The following TOX2 variants were observed in gnomAD, a reference collection of about 807,000 sequenced individuals.
The protein encoded by TOX2 is TOX high mobility group box family member 2.
A neutral mutation model predicts 47.4 loss-of-function variants in TOX2; 15 were observed. That is an observed-to-expected ratio of 0.32 (90% CI 0.21 to 0.49). The LOEUF (loss-of-function observed/expected upper bound fraction) is 0.49. Ranked by LOEUF, TOX2 falls within the 20% of genes least tolerant of loss-of-function variation. The pLI, the probability that TOX2 is intolerant of heterozygous loss-of-function variation, is 0.99. For missense variants in TOX2, 622 were observed against 673.1 expected (o/e 0.92, Z 0.84); for synonymous variants, 290 against 296.6 (o/e 0.98, Z 0.23).
At chr20:44,068,437 G>A (rs767750922) in intron 8 of TOX2, among the ~76,000 whole-genome samples, 2 of 151,880 alleles carry the variant, frequency 1.3e-5, no homozygotes, top group Admixed American at 6.5e-5. Context: ...GCTGAGGACC[G>A]GGTGGTCCCC....
chr20:43,955,377 G>C (rs2069650158), intron 1 of TOX2: 10 of 909,202 alleles, frequency 1.1e-5, no homozygotes, highest in African/African-American at 1.8e-5. Context: ...GCTGGCTTCT[G>C]GTTTCTTGGC....
chr20:43,981,985 G>C lies in TOX2; in HGVS notation c.165+8553G>C, dbSNP rs548582892. Reference sequence around the variant, plus strand: ...GTCTTTAGAATATTTAGTCATCAATGGAAAGTGTCAGGAGAGAGGGTGAAG... The same window carrying C: ...GTCTTTAGAATATTTAGTCATCAATCGAAAGTGTCAGGAGAGAGGGTGAAG... On this transcript the variant is annotated intron_variant, in intron 2 of 8. Transcript: ENST00000341197. Among the ~76,000 whole-genome samples, 4 of 151,312 alleles carry C rather than the reference G, an allele frequency of 2.6e-5. No homozygotes were observed. In the East Asian group the frequency reaches 7.8e-4, roughly 29 times the overall value.
intron 5 of TOX2, among the ~76,000 whole-genome samples, chr20:44,063,152 TA>T (rs2071750176): frequency 6.6e-6 from 1 of 152,074 alleles, no homozygotes; most frequent in Non-Finnish European, 1.5e-5. Context: ...GGGACTTAAT[TA>T]AACTAAAAAG....
At chr20:43,955,879 C>G (rs1383502335) in intron 1 of TOX2, among the ~76,000 whole-genome samples, 5 of 152,224 alleles carry the variant, frequency 3.3e-5, no homozygotes, top group African/African-American at 1.2e-4. Context: ...CCATTCTCCA[C>G]CCAGAAGCCA....
chr20:43,951,710 T>TTTTTTTTTTTTTTTTTTTTTTG lies in TOX2; in HGVS notation c.100-21639_100-21638insTTTGTTTTTTTTTTTTTTTTTT, dbSNP rs2069574325. ...CCATTACTATTAAACTTATTATGTT[T>TTTTTTTTTTTTTTTTTTTTTTG]TTTTTTTTTTTTTTTTTTAGAGAAA... On this transcript the variant is annotated intron_variant, in intron 1 of 8. Transcript: ENST00000341197. 1.8e-5 allele frequency among the ~76,000 whole-genome samples: 2 copies of TTTTTTTTTTTTTTTTTTTTTTG among 113,282 alleles called. 1 individual carries two copies. The highest frequency in any genetic ancestry group is 6.6e-5 in the African/African-American group (2 of 30,078). The allele number at this position is 113,282 out of a possible 152,430, so 74.3% of individuals were successfully genotyped here.
intron 1 of TOX2, among the ~76,000 whole-genome samples, chr20:43,965,592 A>G (rs935169808): frequency 6.6e-6 from 1 of 152,124 alleles, no homozygotes; most frequent in African/African-American, 2.4e-5. Context: ...ATTTGCATAG[A>G]TTTCCCAAGG....
chr20:43,965,509 C>T (rs758551534), intron 1 of TOX2, among the ~76,000 whole-genome samples: 3 of 152,212 alleles, frequency 2.0e-5, no homozygotes, highest in African/African-American at 7.2e-5. Context: ...CACAAGAGAT[C>T]GTTCAATGAA....
chr20:44,017,809 C>T (rs1008259268), intron 3 of TOX2, among the ~76,000 whole-genome samples: 1 of 152,152 alleles, frequency 6.6e-6, no homozygotes, highest in African/African-American at 2.4e-5. Flanking sequence ...GACTTGGCTA[C>T]ACAGTTATCA....
At chr20:44,053,133 G>T (rs1259153520) in intron 4 of TOX2, among the ~76,000 whole-genome samples, 1 of 152,110 alleles carries the variant, frequency 6.6e-6, no homozygotes, top group Non-Finnish European at 1.5e-5. Context: ...GTTCCTACAT[G>T]GCTTGAGTGA....
intron 1 of TOX2, among the ~76,000 whole-genome samples, chr20:43,951,707 G>GGTTTTTTTTT (rs745489872): frequency 7.8e-4 from 43 of 55,096 alleles, no homozygotes; most frequent in African/African-American, 2.3e-3. Context: ...AACTTATTAT[G>GGTTTTTTTTT]TTTTTTTTTT....
At chr20:43,961,160 A>G (rs2069751937) in intron 1 of TOX2, among the ~76,000 whole-genome samples, 1 of 152,266 alleles carries the variant, frequency 6.6e-6, no homozygotes. Flanking sequence ...AAGAGTGGCT[A>G]TCAGCAATGG....
chr20:43,945,798 C>T lies in TOX2; in HGVS notation c.100-27569C>T, dbSNP rs904252670. ...ACAGGTTTTTCCATTTCACCTTATA[C>T]GAATGGGATGGGGGGTGGGGGTGCT... On this transcript the variant is annotated intron_variant, in intron 1 of 8. Transcript: ENST00000341197. 436 of 1,439,274 alleles carry T rather than the reference C, an allele frequency of 3.0e-4. 1 individual carries two copies. Among genetic ancestry groups the T allele is most frequent in the Admixed American group, 6.1e-4 (33 of 53,890 alleles). 89.2% of individuals were successfully genotyped at this position (1,439,274 alleles called of 1,614,324 possible).
chr20:43,982,126 T>C (rs983058567), intron 2 of TOX2, among the ~76,000 whole-genome samples: 1 of 152,036 alleles, frequency 6.6e-6, no homozygotes, highest in Non-Finnish European at 1.5e-5. Context: ...GTGCTGGGTG[T>C]GGAGGACAGC....
intron 3 of TOX2, among the ~76,000 whole-genome samples, chr20:44,016,505 T>G (rs2145635155): frequency 6.6e-6 from 1 of 152,240 alleles, no homozygotes; most frequent in African/African-American, 2.4e-5. Flanking sequence ...ACTGACATTT[T>G]GGGTGGGATG....
Position 43,935,828 on chromosome 20 carries a change from G to A in TOX2, c.99+20838G>A, listed in dbSNP as rs144915643. ...TGTAATCCTAGCTACTCAGGAGGCTGAGGCAGGAGAATCGCTTGAACCCAG... is the reference window on the plus strand; with the variant it reads ...TGTAATCCTAGCTACTCAGGAGGCTAAGGCAGGAGAATCGCTTGAACCCAG... On this transcript the variant is annotated intron_variant, in intron 1 of 8. Transcript: ENST00000341197. Among the ~76,000 whole-genome samples the A allele has an allele frequency of 1.9e-3, 283 of 150,932 alleles. 2 individuals are homozygous for A. The East Asian group carries it at 0.02, about 11-fold the overall frequency.
chr20:44,047,390 A>G (rs6073299), intron 3 of TOX2, among the ~76,000 whole-genome samples: 107,492 of 152,132 alleles, frequency 0.71, 38,261 homozygotes, highest in East Asian at 0.79. Context: ...TTAATTTGAA[A>G]ACCTATGTAA....
At chr20:43,974,826 C>T (rs2070046812) in intron 2 of TOX2, among the ~76,000 whole-genome samples, 1 of 152,222 alleles carries the variant, frequency 6.6e-6, no homozygotes, top group Non-Finnish European at 1.5e-5. Flanking sequence ...GCTGCGCCCC[C>T]TCCCCTGCCG....
intron 1 of TOX2, among the ~76,000 whole-genome samples, chr20:43,962,210 A>G (rs773187345): frequency 5.3e-5 from 8 of 152,208 alleles, no homozygotes; most frequent in Non-Finnish European, 1.0e-4. Context: ...AGGAAGAAAT[A>G]CAGGCCTGCC....
chr20:43,965,821 G>A (rs1378291888), intron 1 of TOX2, among the ~76,000 whole-genome samples: 1 of 152,178 alleles, frequency 6.6e-6, no homozygotes, highest in African/African-American at 2.4e-5. Context: ...CCTTGAACAG[G>A]AGAGAGATAC....
Sources: allele counts gnomAD v4.1 joint callset (sites outside exome capture counted in the v4.1 genomes callset), GRCh38; gene constraint gnomAD v4.1.1; transcripts MANE v1.5; gene names NCBI Gene and HGNC (gene_info 2026-07-23, HGNC 2026-07-21).